Variants in FOXN3 observed in about 807,000 individuals in gnomAD.
The protein encoded by FOXN3 is forkhead box protein N3.
A neutral mutation model predicts 38.4 loss-of-function variants in FOXN3; 7 were observed. The observed-to-expected ratio is 0.18, with a 90% CI of 0.10 to 0.34. The LOEUF is 0.34. Among genes scored for constraint, FOXN3 ranks in the 10% least tolerant of loss-of-function variants. The probability of loss-of-function intolerance (pLI) is 1.00; values close to 1 mark genes in which losing one functional copy is unlikely to be tolerated. For synonymous variants in FOXN3, 230 were observed against 242.2 expected, an observed-to-expected ratio of 0.95 and a Z score of 0.47; for missense variants, 456 against 613.4, an observed-to-expected ratio of 0.74 and a Z score of 2.71.
At chr14:89,541,759 C>G (rs907769576) in intron 1 of FOXN3, among the ~76,000 whole-genome samples, 1 of 152,036 alleles carries the variant, frequency 6.6e-6, no homozygotes, top group Non-Finnish European at 1.5e-5. Context: ...ACCCCTTTCC[C>G]GTAACAGTGC....
intron 4 of FOXN3, among the ~76,000 whole-genome samples, chr14:89,181,363 G>C (rs1887670991): frequency 6.6e-6 from 1 of 152,200 alleles, no homozygotes; most frequent in Admixed American, 6.5e-5. Context: ...CCCATGCTTT[G>C]CCATGGGCAG....
At position 89,539,550 on chromosome 14, in the gene FOXN3, T is replaced by C. The variant is rs140769421; in HGVS notation, c.-15+79478A>G. Reference sequence around the variant, plus strand: ...GGTCGATAACAAAATTTCAAAATCATATAAACACAACCTTGGGTCCTGCTC... The same window carrying C: ...GGTCGATAACAAAATTTCAAAATCACATAAACACAACCTTGGGTCCTGCTC... On this transcript the variant is annotated intron_variant, in intron 1 of 6. Coordinates refer to the FOXN3 transcript ENST00000345097. Among the ~76,000 whole-genome samples, 157 of 152,348 alleles carry C rather than the reference T, an allele frequency of 1.0e-3. 1 individual carries two copies. In the Middle Eastern group the frequency reaches 0.017, roughly 17 times the overall value.
chr14:89,336,210 C>T (rs1017662169), intron 3 of FOXN3, among the ~76,000 whole-genome samples: 4 of 149,024 alleles, frequency 2.7e-5, no homozygotes, highest in East Asian at 2.0e-4. Context: ...ATTCTCCTAA[C>T]GGTGCCTCCA....
intron 5 of FOXN3, among the ~76,000 whole-genome samples, chr14:89,170,215 T>A (rs1294646596): frequency 6.6e-6 from 1 of 152,154 alleles, no homozygotes; most frequent in East Asian, 1.9e-4. Flanking sequence ...AAAATATATA[T>A]GTCTAAAATT....
intron 2 of FOXN3, among the ~76,000 whole-genome samples, chr14:89,366,364 A>C (rs534045380): frequency 2.0e-5 from 3 of 152,366 alleles, no homozygotes; most frequent in East Asian, 1.9e-4. Context: ...CTTGTCTGGA[A>C]CGTGGGCATG....
At chr14:89,186,101 A>T (rs1887799827) in intron 4 of FOXN3, among the ~76,000 whole-genome samples, 1 of 152,194 alleles carries the variant, frequency 6.6e-6, no homozygotes, top group South Asian at 2.1e-4. Context: ...CTCAGAGGCC[A>T]TAAGCTGAGC....
upstream of FOXN3, chr14:89,419,359 C>T (rs981076015): frequency 2.5e-5 from 9 of 363,052 alleles, no homozygotes; most frequent in African/African-American, 1.5e-4. Context: ...GACTTGCTTC[C>T]TGACCTAGGG....
chr14:89,246,013 G>T (rs747886702), intron 4 of FOXN3, among the ~76,000 whole-genome samples: 2 of 152,122 alleles, frequency 1.3e-5, no homozygotes, highest in Admixed American at 6.5e-5. Flanking sequence ...GTGTGAGGAC[G>T]GGTGATGGCT....
At chr14:89,610,632 A>G (rs1896370529) in intron 1 of FOXN3, among the ~76,000 whole-genome samples, 2 of 152,342 alleles carry the variant, frequency 1.3e-5, no homozygotes, top group South Asian at 4.1e-4. Context: ...CAGTCTGTCT[A>G]TATCTGCTTA....
Position 89,156,399 on chromosome 14 carries a change from A to G in FOXN3, c.*6015T>C, listed in dbSNP as rs1186740259. ...TTCGGCTGATCGCGCCTGCCTCCACACTGTTTCTTTAGGTTTACATGAACA... is the reference window on the plus strand; with the variant it reads ...TTCGGCTGATCGCGCCTGCCTCCACGCTGTTTCTTTAGGTTTACATGAACA... On this transcript the variant is annotated 3_prime_UTR_variant, in exon 6 of 6. Coordinates refer to ENST00000557258, the MANE Select transcript of FOXN3 (RefSeq NM_005197.4). 1 of 152,522 alleles carries G rather than the reference A, an allele frequency of 6.6e-6. No homozygotes were observed. The highest frequency in any genetic ancestry group is 2.4e-5 in the African/African-American group (1 of 41,404). 9.4% of individuals were successfully genotyped at this position (152,522 alleles called of 1,614,324 possible). A position where few individuals can be genotyped will look rare whatever the true frequency, so the allele number is the denominator to read the frequency against.
chr14:89,392,637 CTTTTTTTT>C (rs71130072), intron 2 of FOXN3, among the ~76,000 whole-genome samples: 40 of 119,250 alleles, frequency 3.4e-4, no homozygotes, highest in Non-Finnish European at 4.6e-4. Context: ...TGTGTCTCGT[CTTTTTTTT>C]TTTTTTTTTT....
rs1388221846 is a variant in FOXN3, at chr14:89,161,384, GT to G, written c.*1029del. On this transcript the variant is annotated 3_prime_UTR_variant, in exon 6 of 6. Transcript: ENST00000557258. Reference sequence around the variant, plus strand: ...TAATGGCAGGTTCCGTAGCTTTCTAGTTTTTTTTTTTTTTTCACTTGGATCA... The same window carrying G: ...TAATGGCAGGTTCCGTAGCTTTCTAGTTTTTTTTTTTTTTCACTTGGATCA... 1,365 of 127,714 alleles carry G rather than the reference GT, an allele frequency of 0.011. No individual in the cohort carries two copies. Among genetic ancestry groups the G allele is most frequent in the Middle Eastern group, 0.016 (4 of 244 alleles). The allele number at this position is 127,714 out of a possible 1,614,324, so 7.9% of individuals were successfully genotyped here.
chr14:89,392,076 C>T (rs971518744), intron 2 of FOXN3, among the ~76,000 whole-genome samples: 11 of 152,288 alleles, frequency 7.2e-5, no homozygotes, highest in African/African-American at 2.6e-4. Context: ...AAACCATCTG[C>T]CCCCTAACTT....
intron 3 of FOXN3, among the ~76,000 whole-genome samples, chr14:89,306,542 T>C (rs1027799976): frequency 1.3e-5 from 2 of 152,074 alleles, no homozygotes; most frequent in African/African-American, 4.8e-5. Flanking sequence ...AATTTTTTTG[T>C]ATTTTTAGTA....
At chr14:89,192,222 T>C (rs928415027) in intron 4 of FOXN3, among the ~76,000 whole-genome samples, 1 of 146,780 alleles carries the variant, frequency 6.8e-6, no homozygotes, top group Non-Finnish European at 1.5e-5. Context: ...ATATGAATAT[T>C]ATATATTAAG....
At chr14:89,604,923 G>A (rs1198175502) in intron 1 of FOXN3, among the ~76,000 whole-genome samples, 1 of 152,028 alleles carries the variant, frequency 6.6e-6, no homozygotes, top group Non-Finnish European at 1.5e-5. Flanking sequence ...TTTATACCTG[G>A]CAAAAATATA....
chr14:89,267,401 C>T (rs892595828), intron 4 of FOXN3, among the ~76,000 whole-genome samples: 6 of 152,046 alleles, frequency 3.9e-5, no homozygotes, highest in African/African-American at 9.7e-5. Flanking sequence ...CAGCTGCCTT[C>T]GCTAGGTTAG....
intron 3 of FOXN3, among the ~76,000 whole-genome samples, chr14:89,302,823 C>T (rs1349302752): frequency 6.6e-6 from 1 of 152,182 alleles, no homozygotes; most frequent in Non-Finnish European, 1.5e-5. Context: ...AGGCTGCCCA[C>T]CTCCGCCCTC....
intron 2 of FOXN3, among the ~76,000 whole-genome samples, chr14:89,379,317 C>T (rs770192453): frequency 6.6e-6 from 1 of 152,094 alleles, no homozygotes; most frequent in Non-Finnish European, 1.5e-5. Context: ...TGGTGAAGAT[C>T]GAAAGATTTT....
Sources: allele counts gnomAD v4.1 joint callset (sites outside exome capture counted in the v4.1 genomes callset), GRCh38; gene constraint gnomAD v4.1.1; transcripts MANE v1.5; gene names NCBI Gene and HGNC (gene_info 2026-07-23, HGNC 2026-07-21).